Variants in FAM47E observed in about 807,000 individuals in gnomAD.
FAM47E encodes the protein protein FAM47E.
In FAM47E, 32 loss-of-function variants were observed where a neutral mutation model predicts 41.6. That is an observed-to-expected ratio of 0.77 (90% confidence interval 0.58 to 1.03). The LOEUF is 1.03. Ranked by LOEUF, FAM47E falls within the 50% of genes least tolerant of loss-of-function variation. The pLI is 0.00. For synonymous variants in FAM47E, 184 were observed against 188.7 expected, an observed-to-expected ratio of 0.98 and a Z score of 0.20; for missense variants, 424 against 485.4, an observed-to-expected ratio of 0.87 and a Z score of 1.19.
At position 76,268,762 on chromosome 4, in the gene FAM47E, T is replaced by C. The variant is rs368270749; in HGVS notation, c.663T>C (p.His221=). 4.5e-6 allele frequency: 7 copies of C among 1,551,514 alleles called. No homozygotes were observed. In the African/African-American group the frequency reaches 9.6e-5, roughly 21 times the overall value. Residue 221 remains histidine (H), a synonymous_variant, in exon 4 of 8, where the codon CAT becomes CAC. Transcript: ENST00000424749. ...AAAATGGTCCTCGTCCTGGTCTTCA[T>C]GAAAATGTATGCAAAGCAGTTAGTG... ...LHENGPRPGL[H]ENGISDIDEE...
intron 2 of FAM47E, among the ~76,000 whole-genome samples, chr4:76,221,199 A>G (rs1733301139): frequency 6.6e-6 from 1 of 152,232 alleles, no homozygotes; most frequent in African/African-American, 2.4e-5. Flanking sequence ...GAACCGAATC[A>G]TACAGCCCAG....
At chr4:76,225,532 A>G (rs547934589) in intron 2 of FAM47E, among the ~76,000 whole-genome samples, 16 of 152,314 alleles carry the variant, frequency 1.1e-4, no homozygotes, top group Admixed American at 8.5e-4. Flanking sequence ...TTTGTCATAG[A>G]TGGCTTTTAT....
chr4:76,276,069 C>CACACACACACACA (rs869240236), intron 5 of FAM47E, among the ~76,000 whole-genome samples: 1 of 149,796 alleles, frequency 6.7e-6, no homozygotes, highest in Admixed American at 6.7e-5. Flanking sequence ...CACACACACA[C>CACACACACACACA]CCCTCCCCTA....
intron 3 of FAM47E, among the ~76,000 whole-genome samples, chr4:76,265,569 A>G (rs1335252465): frequency 6.6e-6 from 1 of 151,880 alleles, no homozygotes; most frequent in Non-Finnish European, 1.5e-5. Context: ...CAGGGCTCCT[A>G]AAACCCTTGG....
chr4:76,262,931 T>TA (rs1387250589), intron 2 of FAM47E, among the ~76,000 whole-genome samples: 1 of 152,114 alleles, frequency 6.6e-6, no homozygotes, highest in Non-Finnish European at 1.5e-5. Context: ...CTGGCTAATT[T>TA]AAAAAAATTT....
At chr4:76,260,629 A>G (rs1415044769) in intron 2 of FAM47E, among the ~76,000 whole-genome samples, 1 of 152,174 alleles carries the variant, frequency 6.6e-6, no homozygotes, top group Admixed American at 6.5e-5. Flanking sequence ...AAACCTACAA[A>G]AAAACTCTTC....
At chr4:76,268,567 G>A in intron 3 of FAM47E, 93 bp from the exon 4 acceptor site, 1 of 1,301,822 alleles carries the variant, frequency 7.7e-7, no homozygotes, top group East Asian at 2.6e-5. Context: ...AGAAATACTT[G>A]CTTTATGATT....
At chr4:76,232,531 T>C (rs1733511352) in intron 2 of FAM47E, among the ~76,000 whole-genome samples, 1 of 152,260 alleles carries the variant, frequency 6.6e-6, no homozygotes, top group Non-Finnish European at 1.5e-5. Context: ...TGGTTTACAA[T>C]AAGTTAACAT....
chr4:76,241,913 C>T (rs530679565), intron 2 of FAM47E, among the ~76,000 whole-genome samples: 1 of 152,150 alleles, frequency 6.6e-6, no homozygotes, highest in African/African-American at 2.4e-5. Context: ...CGTTGGTTCT[C>T]GGCAGGAAAG....
At chr4:76,250,370 G>T (rs1212007249), upstream of FAM47E, among the ~76,000 whole-genome samples, 1 of 151,928 alleles carries the variant, frequency 6.6e-6, no homozygotes, top group Non-Finnish European at 1.5e-5. Context: ...TTTGAGAATT[G>T]TCTATTCATG....
At chr4:76,263,964 C>A in intron 3 of FAM47E, 121 bp downstream of exon 3, 1 of 1,407,702 alleles carries the variant, frequency 7.1e-7, no homozygotes, top group Non-Finnish European at 9.4e-7. Context: ...ACTAAGTTCC[C>A]AAGGAAGAGG....
intron 2 of FAM47E, among the ~76,000 whole-genome samples, chr4:76,230,503 G>A (rs548706747): frequency 1.3e-5 from 2 of 152,238 alleles, no homozygotes; most frequent in Middle Eastern, 3.4e-3. Context: ...CCCACACGAT[G>A]GGCCATGGCT....
intron 2 of FAM47E, among the ~76,000 whole-genome samples, chr4:76,240,479 C>T (rs56896076): frequency 2.0e-5 from 3 of 152,034 alleles, no homozygotes; most frequent in African/African-American, 7.2e-5. Flanking sequence ...TGAATAATCT[C>T]TTTGCCCCTT....
chr4:76,248,236 T>C (rs1190094764), upstream of FAM47E, among the ~76,000 whole-genome samples: 1 of 152,118 alleles, frequency 6.6e-6, no homozygotes, highest in Non-Finnish European at 1.5e-5. Context: ...CTTGATCATG[T>C]TTTTCGATAT....
At chr4:76,252,508 G>T (rs1484782918) in intron 1 of FAM47E, among the ~76,000 whole-genome samples, 1 of 152,120 alleles carries the variant, frequency 6.6e-6, no homozygotes, top group South Asian at 2.1e-4. Flanking sequence ...GGTGACCTTA[G>T]GCAAGTTGGT....
intron 1 of FAM47E, among the ~76,000 whole-genome samples, chr4:76,216,835 A>G (rs918075443): frequency 3.3e-5 from 5 of 152,236 alleles, no homozygotes; most frequent in African/African-American, 1.2e-4. Context: ...AACAAAAAGG[A>G]CCTAATTACA....
At chr4:76,255,262 G>T (rs1182361279) in intron 1 of FAM47E, among the ~76,000 whole-genome samples, 4 of 152,050 alleles carry the variant, frequency 2.6e-5, no homozygotes, top group African/African-American at 9.7e-5. Context: ...CAAGTGTTTT[G>T]TTTTTTAACT....
At chr4:76,253,444 C>T (rs76220525) in intron 1 of FAM47E, among the ~76,000 whole-genome samples, 2,801 of 152,204 alleles carry the variant, frequency 0.018, 105 homozygotes, top group African/African-American at 0.062. Flanking sequence ...ATATCATGTA[C>T]TAGTGTCTGT....
chr4:76,282,405 AG>A (rs1418894765), intron 7 of FAM47E: 1 of 152,126 alleles, frequency 6.6e-6, no homozygotes, highest in African/African-American at 2.4e-5. Flanking sequence ...GCTTTCCACA[AG>A]GGTCGCATTC....
Sources: allele counts gnomAD v4.1 joint callset (sites outside exome capture counted in the v4.1 genomes callset), GRCh38; gene constraint gnomAD v4.1.1; transcripts MANE v1.5; gene names NCBI Gene and HGNC (gene_info 2026-07-23, HGNC 2026-07-21).